CNTNAP2: variants seen among roughly 807,000 people sequenced by gnomAD.
The protein encoded by CNTNAP2 is contactin associated protein 2, also known as contactin-associated protein-like 2.
A neutral mutation model predicts 155.2 loss-of-function variants in CNTNAP2; 98 were observed. The observed-to-expected ratio is 0.63, with a 90% CI of 0.54 to 0.75. The LOEUF (loss-of-function observed/expected upper bound fraction) is 0.75, where lower values mean the gene tolerates loss of function less well. Ranked by LOEUF, CNTNAP2 falls within the 30% of genes least tolerant of loss-of-function variation. The pLI, the probability that CNTNAP2 is intolerant of heterozygous loss-of-function variation, is 0.00. For missense variants in CNTNAP2, 1,727 were observed against 1,688.1 expected (o/e 1.02, Z -0.40); for synonymous variants, 651 against 631.2 (o/e 1.03, Z -0.47).
At chr7:146,279,924 TAAG>T (rs1159189574) in intron 1 of CNTNAP2, among the ~76,000 whole-genome samples, 1 of 151,842 alleles carries the variant, frequency 6.6e-6, no homozygotes, top group Non-Finnish European at 1.5e-5. Context: ...TATATACTAA[TAAG>T]TGAAAGGAAC....
chr7:147,396,424 G>T (rs1372123212), intron 10 of CNTNAP2, among the ~76,000 whole-genome samples: 1 of 151,828 alleles, frequency 6.6e-6, no homozygotes, highest in East Asian at 1.9e-4. Context: ...TATTACAAAA[G>T]TGTCAGTGTG....
chr7:147,630,316 T>TAAAAAAAAAAAAAAAAAAAAAAAGAAAAA (rs1795063293), intron 12 of CNTNAP2, among the ~76,000 whole-genome samples: 3 of 73,106 alleles, frequency 4.1e-5, no homozygotes, highest in Non-Finnish European at 5.9e-5. Context: ...GAAACAGTAG[T>TAAAAAAAAAAAAAAAAAAAAAAAGAAAAA]AAAAAAAAAA....
chr7:146,668,409 G>A (rs1208733391), intron 1 of CNTNAP2, among the ~76,000 whole-genome samples: 3 of 148,040 alleles, frequency 2.0e-5, no homozygotes, highest in African/African-American at 5.0e-5. Context: ...TTTGTCAGAG[G>A]TATTGGCCTG....
intron 3 of CNTNAP2, among the ~76,000 whole-genome samples, chr7:146,842,378 T>C (rs987535278): frequency 1.8e-4 from 27 of 152,154 alleles, no homozygotes; most frequent in African/African-American, 5.6e-4. Flanking sequence ...TTTCAAATAT[T>C]GTGTTTCTTA....
intron 8 of CNTNAP2, among the ~76,000 whole-genome samples, chr7:147,283,980 C>G (rs1428144946): frequency 6.6e-6 from 1 of 151,730 alleles, no homozygotes; most frequent in Middle Eastern, 3.4e-3. Flanking sequence ...AGTGACGAGT[C>G]CTACATTTTC....
intron 4 of CNTNAP2, among the ~76,000 whole-genome samples, chr7:147,055,626 G>A (rs927318233): frequency 4.6e-5 from 7 of 152,114 alleles, no homozygotes; most frequent in Non-Finnish European, 7.4e-5. Context: ...CTCAAGTCTC[G>A]CAGGGGACAT....
At chr7:147,458,312 C>T (rs1200213457) in intron 10 of CNTNAP2, among the ~76,000 whole-genome samples, 1 of 151,834 alleles carries the variant, frequency 6.6e-6, no homozygotes, top group Non-Finnish European at 1.5e-5. Context: ...GGCACTTGTC[C>T]TTATGTCCAA....
chr7:146,716,373 A>T (rs1304729362), intron 1 of CNTNAP2, among the ~76,000 whole-genome samples: 2 of 145,528 alleles, frequency 1.4e-5, no homozygotes, highest in African/African-American at 5.7e-5. Context: ...TCAGTGGTTT[A>T]AAAAAACTCA....
chr7:147,630,883 G>A (rs1013107500), intron 12 of CNTNAP2, among the ~76,000 whole-genome samples: 1 of 152,058 alleles, frequency 6.6e-6, no homozygotes, highest in Non-Finnish European at 1.5e-5. Context: ...ATGGGAAAAA[G>A]TTGAAAGCAT....
At chr7:146,948,461 A>G (rs1054405465) in intron 3 of CNTNAP2, among the ~76,000 whole-genome samples, 16 of 152,066 alleles carry the variant, frequency 1.1e-4, no homozygotes, top group African/African-American at 3.4e-4. Flanking sequence ...TTAATTTTGC[A>G]TCTAAATATT....
In CNTNAP2 at chr7:147,493,787, C is replaced by T. The variant is rs779995465; in HGVS notation, c.1777+7746C>T. On this transcript the variant is annotated intron_variant, in intron 11 of 23. Transcript: ENST00000361727. ...CATAGGGGAAAAAAATGATTTAATA[C>T]TTTGTCACAAATTATTTGTTTTAAG... Among the ~76,000 whole-genome samples, 228 of 152,194 alleles carry T rather than the reference C, an allele frequency of 1.5e-3. 2 individuals are homozygous for T. Among genetic ancestry groups the T allele is most frequent in the Non-Finnish European group, 1.7e-3 (114 of 68,004 alleles).
chr7:147,700,657 T>C (rs1024816996), intron 13 of CNTNAP2, among the ~76,000 whole-genome samples: 3 of 152,132 alleles, frequency 2.0e-5, no homozygotes, highest in Non-Finnish European at 4.4e-5. Flanking sequence ...CTTGGAAACT[T>C]ATTGGTGTTT....
At chr7:147,601,210 T>G (rs1282774107) in intron 12 of CNTNAP2, among the ~76,000 whole-genome samples, 1 of 152,144 alleles carries the variant, frequency 6.6e-6, no homozygotes, top group South Asian at 2.1e-4. Flanking sequence ...TTCACTGGCG[T>G]CCCTGTGAAG....
chr7:148,172,484 G>A lies in CNTNAP2; in HGVS notation c.3010+6G>A, dbSNP rs376708056. The A allele has an allele frequency of 1.1e-5, 17 of 1,613,116 alleles. No homozygotes were observed. In the African/African-American group the frequency reaches 1.5e-4, roughly 14 times the overall value. ...TGGAACATTTTGCAACAAAGGTAAG[G>A]TGGAACCCATTTCCAGAGCCACTTT... On this transcript the variant is annotated splice_donor_region_variant and intron_variant, in intron 18 of 23. Transcript: ENST00000361727.
chr7:146,150,447 A>T (rs1798020265), intron 1 of CNTNAP2, among the ~76,000 whole-genome samples: 3 of 152,146 alleles, frequency 2.0e-5, no homozygotes. Flanking sequence ...GACTTGTAAA[A>T]ATATGTTTTT....
chr7:147,702,937 G>T (rs1468746058), intron 13 of CNTNAP2, among the ~76,000 whole-genome samples: 1 of 152,016 alleles, frequency 6.6e-6, no homozygotes, highest in Non-Finnish European at 1.5e-5. Flanking sequence ...CCCCTGCCCC[G>T]GTAAAACCAA....
intron 16 of CNTNAP2, among the ~76,000 whole-genome samples, chr7:148,139,443 C>A (rs1805017252): frequency 6.6e-6 from 1 of 152,170 alleles, no homozygotes; most frequent in South Asian, 2.1e-4. Context: ...GCCTCAGTTT[C>A]CTGACTAATC....
chr7:146,730,354 T>C (rs570210950), intron 1 of CNTNAP2, among the ~76,000 whole-genome samples: 121 of 152,064 alleles, frequency 8.0e-4, no homozygotes, highest in African/African-American at 2.8e-3. Flanking sequence ...TGTTTTCCCA[T>C]AGATTTTAAA....
At chr7:146,165,220 T>G (rs1274457570) in intron 1 of CNTNAP2, among the ~76,000 whole-genome samples, 8 of 152,140 alleles carry the variant, frequency 5.3e-5, no homozygotes, top group Non-Finnish European at 1.2e-4. Context: ...CAATGTTCAG[T>G]AAAGTACAGA....
Sources: allele counts gnomAD v4.1 joint callset (sites outside exome capture counted in the v4.1 genomes callset), GRCh38; gene constraint gnomAD v4.1.1; transcripts MANE v1.5; gene names NCBI Gene and HGNC (gene_info 2026-07-23, HGNC 2026-07-21).